The following COG1 variants were observed in gnomAD, a reference collection of about 807,000 sequenced individuals.
COG1 encodes the protein component of oligomeric golgi complex 1.
A neutral mutation model predicts 102.2 loss-of-function variants in COG1; 61 were observed. That is an observed-to-expected ratio of 0.60 (90% CI 0.49 to 0.74). The LOEUF (loss-of-function observed/expected upper bound fraction) is 0.74. Among genes scored for constraint, COG1 ranks in the 30% least tolerant of loss-of-function variants. COG1 has a pLI of 0.00. For synonymous variants in COG1, 454 were observed against 493.6 expected (o/e 0.92, Z 1.06); for missense variants, 1,164 against 1,232.1 (o/e 0.94, Z 0.83).
Position 73,193,390 on chromosome 17 carries a change from T to C in COG1, c.315+6T>C. 6.9e-7 allele frequency: 1 copy of C among 1,443,986 alleles called. No homozygotes were observed. Among genetic ancestry groups the C allele is most frequent in the Non-Finnish European group, 9.0e-7 (1 of 1,106,838 alleles). The allele number at this position is 1,443,986 out of a possible 1,614,324, so 89.4% of individuals were successfully genotyped here. A position where few individuals can be genotyped will look rare whatever the true frequency, so the allele number is the denominator to read the frequency against. The stretch of plus-strand genomic sequence containing the variant: ...GGCCACCGCGGGCCCAGCAGGTCAG[T>C]CCCCGTGCCCCCACCCTGCGACCCG... On this transcript the variant is annotated splice_donor_region_variant and intron_variant, in intron 1 of 13. Coordinates refer to ENST00000299886, the MANE Select transcript of COG1 (RefSeq NM_018714.3).
intron 1 of COG1, among the ~76,000 whole-genome samples, chr17:73,195,168 A>G (rs945140482): frequency 6.6e-6 from 1 of 152,222 alleles, no homozygotes; most frequent in African/African-American, 2.4e-5. Context: ...CATAGTTGTT[A>G]TATCTGGTTT....
rs1377198918 is a variant in COG1, at chr17:73,199,979, G to A, written c.1028G>A (p.Ser343Asn). The change falls in exon 5 of 14, where the codon AGT (serine) becomes AAT (asparagine). Residue 343 changes from serine to asparagine, a missense_variant. Transcript: ENST00000299886. ...CTCCGAACCCTTGCACATCCCATCAGTCAGGAATACCTGAAAGACACGCTG... is the reference window on the plus strand; with the variant it reads ...CTCCGAACCCTTGCACATCCCATCAATCAGGAATACCTGAAAGACACGCTG... The part of the protein sequence containing the change: ...PTLRTLAHPI[S>N]QEYLKDTLQK... 6.2e-7 allele frequency: 1 copy of A among 1,614,026 alleles called. No homozygotes were observed. Among genetic ancestry groups the A allele is most frequent in the East Asian group, 2.2e-5 (1 of 44,888 alleles).
Position 73,198,599 on chromosome 17 carries a change from G to A in COG1, c.913+1203G>A, listed in dbSNP as rs182326703. Among the ~76,000 whole-genome samples the A allele has an allele frequency of 9.7e-3, 1,484 of 152,304 alleles. 7 individuals carry two copies. Among genetic ancestry groups the A allele is most frequent in the Middle Eastern group, 0.017 (5 of 294 alleles). On this transcript the variant is annotated intron_variant, in intron 4 of 13. Coordinates refer to ENST00000299886, the MANE Select transcript of COG1 (RefSeq NM_018714.3). ...AGAACCTGTCTTTAAAAAAACGAAA[G>A]AGAGAAAACGTTGCATTGGCGATGG... is the stretch of plus-strand genomic sequence containing the variant.
At chr17:73,206,327 C>T (rs971132878) in intron 11 of COG1, 65 bp downstream of exon 11, 2 of 1,251,410 alleles carry the variant, frequency 1.6e-6, no homozygotes, top group Non-Finnish European at 2.4e-6. Flanking sequence ...ACAAAATTAA[C>T]CTGCTCAAGC....
intron 4 of COG1, 81 bp from the exon 5 acceptor site, chr17:73,199,784 A>C: frequency 6.4e-7 from 1 of 1,565,100 alleles, no homozygotes; most frequent in South Asian, 1.1e-5. Context: ...GTGTTGCCCA[A>C]GCTGGCCTGG....
Position 73,208,425 on chromosome 17 carries a change from G to C in COG1, c.2917G>C (p.Gly973Arg). ...GTCTGCACCTTCATTATTCAAACTT[G>C]GCTGGCTCTCTAGTATGACTAAGTA... Reference protein sequence around the residue: ...NTSAPSLFKLGWLSSMTK With the variant: ...NTSAPSLFKLRWLSSMTK The change falls in exon 14 of 14, where the codon GGC becomes CGC. Residue 973 changes from glycine to arginine, a missense_variant. Coordinates refer to ENST00000299886, the MANE Select transcript of COG1 (RefSeq NM_018714.3). The C allele has an allele frequency of 6.2e-7, 1 of 1,614,158 alleles. No homozygotes were observed. The highest frequency in any genetic ancestry group is 8.5e-7 in the Non-Finnish European group (1 of 1,180,044).
chr17:73,203,608 T>C (rs2061355884), intron 8 of COG1, 24 bp from the exon 9 acceptor site: 1 of 1,613,970 alleles, frequency 6.2e-7, no homozygotes, highest in South Asian at 1.1e-5. Flanking sequence ...AAGTTGGCAA[T>C]GTGACATTTC....
intron 9 of COG1, among the ~76,000 whole-genome samples, chr17:73,204,732 A>AT (rs1367098602): frequency 5.9e-5 from 9 of 151,912 alleles, no homozygotes; most frequent in East Asian, 1.9e-4. Flanking sequence ...AATTTTTGTT[A>AT]TTTTTTGTAG....
rs777081216 is a variant in COG1 at position 73,208,315 on chromosome 17, T to C, written c.2807T>C (p.Val936Ala). 11 of 1,613,196 alleles carry C rather than the reference T, an allele frequency of 6.8e-6. No homozygotes were observed. Among genetic ancestry groups the C allele is most frequent in the South Asian group, 1.1e-5 (1 of 91,050 alleles). ...STRNIETKAQ[V>A]VPPARSTAGD... ...ACTTTTCTCTACATCCAATGGCAGG[T>C]TGTCCCCCCGGCACGCTCCACAGCT... The change falls in exon 14 of 14, where the codon GTT becomes GCT. Residue 936 changes from valine to alanine, a missense_variant and splice_region_variant. Transcript: ENST00000299886.
In COG1 at chr17:73,199,872, C is replaced by A. The variant is rs959200300; in HGVS notation, c.921C>A (p.Gly307=). The change falls in exon 5 of 14, where the codon GGC becomes GGA. Residue 307 remains glycine (G), a synonymous_variant. Transcript: ENST00000299886. ...TITGQHPAGK[G]TGVLQEEMKL... ...ACTTGGCCTTCTCTTTAGGAAAGGGCACTGGTGTCCTGCAGGAAGAGATGA... is the reference window on the plus strand; with the variant it reads ...ACTTGGCCTTCTCTTTAGGAAAGGGAACTGGTGTCCTGCAGGAAGAGATGA... The A allele has an allele frequency of 1.2e-6, 2 of 1,614,186 alleles. No homozygotes were observed. The highest frequency in any genetic ancestry group is 1.7e-6 in the Non-Finnish European group (2 of 1,180,040).
intron 11 of COG1, 74 bp downstream of exon 11, chr17:73,206,336 G>A: frequency 1.8e-6 from 2 of 1,136,524 alleles, no homozygotes; most frequent in Non-Finnish European, 2.7e-6. Context: ...ACCTGCTCAA[G>A]CACGTAATAC....
At chr17:73,195,572 C>G (rs944967105) in intron 1 of COG1, among the ~76,000 whole-genome samples, 1 of 151,152 alleles carries the variant, frequency 6.6e-6, no homozygotes, top group African/African-American at 2.4e-5. Flanking sequence ...CATGATCGCA[C>G]CACTGCACCC....
chr17:73,200,819 C>A (rs781491693), intron 6 of COG1, 43 bp downstream of exon 6: 2 of 1,532,704 alleles, frequency 1.3e-6, no homozygotes, highest in Non-Finnish European at 1.8e-6. Flanking sequence ...TATGGCCAAT[C>A]CTAGTGGTAT....
In COG1 at chr17:73,201,661, CT is replaced by C; in HGVS notation, c.1838del (p.Phe613SerfsTer16). 6 of 1,614,248 alleles carry C rather than the reference CT, an allele frequency of 3.7e-6. No homozygotes were observed. The highest frequency in any genetic ancestry group is 3.4e-6 in the Non-Finnish European group (4 of 1,180,036). ...ALNSAKLHSV[L>X]FMARLCQSLG... ...CAACAGTGCCAAGCTGCACTCAGTT[CT>C]TTTCATGGCCAGACTCTGCCAGTCC... is the stretch of plus-strand genomic sequence containing the variant. On this transcript the variant is annotated frameshift_variant, in exon 7 of 14. Transcript: ENST00000299886. LOFTEE classifies it high-confidence loss of function.
At chr17:73,200,442 C>A in intron 5 of COG1, 124 bp from the exon 6 acceptor site, 1 of 946,450 alleles carries the variant, frequency 1.1e-6, no homozygotes, top group Non-Finnish European at 1.7e-6. Context: ...AACACTGAGA[C>A]ACATAGATAT....
rs774359543 is a variant in COG1, at chr17:73,203,729, T to C, written c.2318T>C (p.Leu773Pro). ...CCAAAGGTGACATTACAGGAGATGC[T>C]GAAAAGCTGTATGGTTCAAGTAGTA... The part of the protein sequence containing the change: ...ALPKVTLQEM[L>P]KSCMVQVVAA... Residue 773 changes from leucine to proline, a missense_variant, in exon 9 of 14, where the codon CTG becomes CCG. Leu to Pro is a moderately conservative substitution (Grantham distance 98). Coordinates refer to ENST00000299886, the MANE Select transcript of COG1 (RefSeq NM_018714.3). 4 of 1,614,098 alleles carry C rather than the reference T, an allele frequency of 2.5e-6. No individual in the cohort carries two copies. Among genetic ancestry groups the C allele is most frequent in the Middle Eastern group, 1.6e-4 (1 of 6,084 alleles).
At chr17:73,206,008 A>T in intron 10 of COG1, 146 bp from the exon 11 acceptor site, 1 of 747,730 alleles carries the variant, frequency 1.3e-6, no homozygotes, top group Non-Finnish European at 2.3e-6. Flanking sequence ...AGGGTGACTT[A>T]AGCACTATCA....
At position 73,208,493 on chromosome 17, in the gene COG1, A is replaced by G; in HGVS notation, c.*42A>G. ...TCTCTCCCTAAATAAATACTACCACATTATTTCTTCTAAAGGTGCCTCTGC... is the reference window on the plus strand; with the variant it reads ...TCTCTCCCTAAATAAATACTACCACGTTATTTCTTCTAAAGGTGCCTCTGC... On this transcript the variant is annotated 3_prime_UTR_variant, in exon 14 of 14. Transcript: ENST00000299886. The G allele has an allele frequency of 1.2e-6, 2 of 1,600,702 alleles. No individual in the cohort carries two copies. The highest frequency in any genetic ancestry group is 1.7e-6 in the Non-Finnish European group (2 of 1,169,402).
chr17:73,196,183 G>A (rs374849065), intron 1 of COG1, among the ~76,000 whole-genome samples: 9 of 152,158 alleles, frequency 5.9e-5, no homozygotes, highest in East Asian at 5.8e-4. Flanking sequence ...ATTTGCTGTG[G>A]TTTGGATTTG....
Sources: allele counts gnomAD v4.1 joint callset (sites outside exome capture counted in the v4.1 genomes callset), GRCh38; gene constraint gnomAD v4.1.1; transcripts MANE v1.5; gene names NCBI Gene and HGNC (gene_info 2026-07-23, HGNC 2026-07-21).